The following SUCO variants were observed in gnomAD, a reference collection of about 807,000 sequenced individuals.
The protein encoded by SUCO is SUN domain containing ossification factor.
Under a neutral mutation model 148.1 loss-of-function variants are expected in SUCO, and 57 were observed. That is an observed-to-expected ratio of 0.38 (90% confidence interval 0.31 to 0.48). The LOEUF is 0.48. Among genes scored for constraint, SUCO ranks in the 20% least tolerant of loss-of-function variants. The pLI, the probability that SUCO is intolerant of heterozygous loss-of-function variation, is 0.96. For synonymous variants in SUCO, 470 were observed against 502.7 expected (o/e 0.93, Z 0.87); for missense variants, 1,331 against 1,468.2 (o/e 0.91, Z 1.53).
At chr1:172,609,589 T>C (rs1676939709) in intron 23 of SUCO, 12 of 985,072 alleles carry the variant, frequency 1.2e-5, no homozygotes, top group Middle Eastern at 5.2e-4. Context: ...TATTCATAGG[T>C]AGCAGGTAAG....
chr1:172,533,196 T>C lies in SUCO; in HGVS notation c.-240T>C. On this transcript the variant is annotated 5_prime_UTR_variant, in exon 1 of 24. Transcript: ENST00000263688. ...CAGGAGGCGGGCGTGGACGAGCCGG[T>C]GGCTGCAGCGGCGGCGGTCCCCGGA... 1.3e-6 allele frequency: 2 copies of C among 1,505,036 alleles called. No homozygotes were observed. Among genetic ancestry groups the C allele is most frequent in the Non-Finnish European group, 1.8e-6 (2 of 1,127,476 alleles). The allele number at this position is 1,505,036 out of a possible 1,614,324, so 93.2% of individuals were successfully genotyped here. A position where few individuals can be genotyped will look rare whatever the true frequency, so the allele number is the denominator to read the frequency against.
chr1:172,540,192 C>T (rs926999584), intron 1 of SUCO, among the ~76,000 whole-genome samples: 13 of 152,208 alleles, frequency 8.5e-5, no homozygotes, highest in African/African-American at 3.1e-4. Flanking sequence ...AGAGCCAGAA[C>T]TAAGAAGGCC....
intron 1 of SUCO, among the ~76,000 whole-genome samples, chr1:172,546,295 T>G (rs1393054349): frequency 1.3e-5 from 2 of 152,202 alleles, no homozygotes; most frequent in Non-Finnish European, 2.9e-5. Flanking sequence ...ATTGTTGGAT[T>G]TTTCCATATT....
chr1:172,569,829 A>G (rs1469797530), intron 7 of SUCO, among the ~76,000 whole-genome samples: 1 of 152,186 alleles, frequency 6.6e-6, no homozygotes, highest in Non-Finnish European at 1.5e-5. Flanking sequence ...TAAGTAATGT[A>G]GAATTTTGTA....
chr1:172,541,893 T>C lies in SUCO; in HGVS notation c.62+8396T>C, dbSNP rs1403358590. On this transcript the variant is annotated intron_variant, in intron 1 of 23. Coordinates refer to ENST00000263688, the MANE Select transcript of SUCO (RefSeq NM_014283.5). ...ATGAGAAAAGAAATGTTAAGCATTT[T>C]TTGTTTGTTTTCTGTTTGTTTGCTT... 9.4e-6 allele frequency: 9 copies of C among 955,548 alleles called. No individual in the cohort carries two copies. In the East Asian group the frequency reaches 1.0e-3, roughly 110 times the overall value. 59.2% of individuals were successfully genotyped at this position (955,548 alleles called of 1,614,324 possible).
chr1:172,585,462 CAG>C (rs1391942584), intron 16 of SUCO, among the ~76,000 whole-genome samples: 1 of 151,974 alleles, frequency 6.6e-6, no homozygotes, highest in Non-Finnish European at 1.5e-5. Context: ...TAGAGAATGA[CAG>C]ATGATAATAT....
intron 1 of SUCO, among the ~76,000 whole-genome samples, chr1:172,538,435 A>G (rs1238277973): frequency 1.3e-5 from 2 of 152,166 alleles, no homozygotes; most frequent in East Asian, 3.8e-4. Context: ...AAAAACTAGA[A>G]CAATATATAA....
At chr1:172,574,042 GA>G (rs1558192969) in intron 10 of SUCO, 44 bp downstream of exon 10, 3 of 1,158,236 alleles carry the variant, frequency 2.6e-6, no homozygotes, top group Non-Finnish European at 2.5e-6. Flanking sequence ...TTGGATCTCT[GA>G]AAAAAAGAAA....
At chr1:172,542,653 C>T in intron 1 of SUCO, 1 of 816,134 alleles carries the variant, frequency 1.2e-6, no homozygotes, top group Non-Finnish European at 1.5e-6. Context: ...AATGGCCCCC[C>T]ACCCCATCCA....
chr1:172,570,668 A>G lies in SUCO; in HGVS notation c.987A>G (p.Thr329=), dbSNP rs1481890850. ...CTTTCCTCTTTTTAAAATAGAGCAC[A>G]TCTGCTATTCTTATAGAAAATATGG... is the stretch of plus-strand genomic sequence containing the variant. ...ILAANPEAKS[T]SAILIENMDL... is the part of the protein sequence containing the mutation. The change falls in exon 9 of 24, where the codon ACA becomes ACG. Residue 329 remains threonine (T), a synonymous_variant. Transcript: ENST00000263688. 6.3e-7 allele frequency: 1 copy of G among 1,593,948 alleles called. No homozygotes were observed. Among genetic ancestry groups the G allele is most frequent in the Non-Finnish European group, 8.6e-7 (1 of 1,163,050 alleles).
chr1:172,543,863 G>C lies in SUCO; in HGVS notation c.63-7649G>C, dbSNP rs140903652. On this transcript the variant is annotated intron_variant, in intron 1 of 23. Coordinates refer to ENST00000263688, the MANE Select transcript of SUCO (RefSeq NM_014283.5). ...ATTAGCAGATAGACCAAGCAGAAGAGAAGCAACCTTAAAAGAGCTCCAGAC... is the reference window on the plus strand; with the variant it reads ...ATTAGCAGATAGACCAAGCAGAAGACAAGCAACCTTAAAAGAGCTCCAGAC... Among the ~76,000 whole-genome samples, 682 of 152,152 alleles carry C rather than the reference G, an allele frequency of 4.5e-3. 4 individuals carry two copies. The highest frequency in any genetic ancestry group is 7.2e-3 in the Non-Finnish European group (488 of 67,992).
chr1:172,570,818 ATAATT>A (rs2149245644), intron 9 of SUCO, 88 bp downstream of exon 9: 4 of 795,684 alleles, frequency 5.0e-6, no homozygotes, highest in South Asian at 3.4e-5. Context: ...TTGACATATA[ATAATT>A]TAATAAGCTT....
At position 172,610,013 on chromosome 1, in the gene SUCO, A is replaced by C. The variant is rs1230515782; in HGVS notation, c.3519A>C (p.Ser1173=). The C allele has an allele frequency of 2.3e-5, 37 of 1,613,900 alleles. No homozygotes were observed. The highest frequency in any genetic ancestry group is 2.9e-5 in the Non-Finnish European group (34 of 1,179,912). ...SEGSSETSSQ[S]EESYFCGISA... is the part of the protein sequence containing the mutation. ...GAAGCTCAGAAACTTCATCACAGTC[A>C]GAAGAGTCCTATTTTTGTGGCATTT... The change falls in exon 24 of 24, where the codon TCA becomes TCC. Residue 1173 remains serine (S), a synonymous_variant. Coordinates refer to ENST00000263688, the MANE Select transcript of SUCO (RefSeq NM_014283.5).
At chr1:172,542,573 A>G in intron 1 of SUCO, 1 of 190,772 alleles carries the variant, frequency 5.2e-6, no homozygotes, top group Non-Finnish European at 9.7e-6. Flanking sequence ...TTAGATTCTC[A>G]TAGGAGCATG....
At chr1:172,532,715 C>A, upstream of SUCO, 1 of 1,613,994 alleles carries the variant, frequency 6.2e-7, no homozygotes, top group South Asian at 1.1e-5. Context: ...CTAGGAGGGA[C>A]TGGGAAAGAG....
intron 15 of SUCO, 83 bp from the exon 16 acceptor site, chr1:172,584,934 TA>T: frequency 1.1e-6 from 1 of 881,364 alleles, no homozygotes; most frequent in Non-Finnish European, 1.7e-6. Flanking sequence ...AAGATCATTC[TA>T]AATGATTTTT....
chr1:172,566,621 T>C (rs1654571299), intron 6 of SUCO, among the ~76,000 whole-genome samples: 1 of 152,258 alleles, frequency 6.6e-6, no homozygotes, highest in African/African-American at 2.4e-5. Flanking sequence ...GCAGGGTGCC[T>C]AGAGCAGCAG....
intron 11 of SUCO, chr1:172,577,118 T>C: frequency 2.2e-6 from 1 of 444,688 alleles, no homozygotes; most frequent in Non-Finnish European, 3.0e-6. Context: ...GTAGAATATA[T>C]ATGTATATGT....
Position 172,551,621 on chromosome 1 carries a change from A to G in SUCO, c.172A>G (p.Lys58Glu), listed in dbSNP as rs1341965970. 3 of 1,582,340 alleles carry G rather than the reference A, an allele frequency of 1.9e-6. No homozygotes were observed. Among genetic ancestry groups the G allele is most frequent in the Non-Finnish European group, 2.6e-6 (3 of 1,156,834 alleles). The change falls in exon 2 of 24, where the codon AAA becomes GAA. Residue 58 changes from lysine (K) to glutamate (E), a missense_variant. This residue lies in a region of SUCO where 992 missense variants were observed against 1,093.5 expected (regional missense o/e 0.91). Coordinates refer to ENST00000263688, the MANE Select transcript of SUCO (RefSeq NM_014283.5). Reference protein sequence around the residue: ...ALENEDVQFQKKDEREGPINA... With the variant: ...ALENEDVQFQEKDEREGPINA... ...AGAAAATGAAGATGTACAATTCCAG[A>G]AAAAGGTGCCTTAAATAAAGTTAAC...
Sources: gnomAD v4.1 joint callset for allele counts (sites outside exome capture counted in the v4.1 genomes callset) on GRCh38, gnomAD v4.1.1 for gene constraint, gnomAD v4.1.1 regional missense constraint, MANE v1.5 for transcripts, NCBI Gene and HGNC (gene_info 2026-07-23, HGNC 2026-07-21) for gene names.